SLC29A3: variants seen among roughly 807,000 people sequenced by gnomAD.
SLC29A3 encodes solute carrier family 29 member 3, also known as equilibrative nucleoside transporter 3.
Under a neutral mutation model 25.4 loss-of-function variants are expected in SLC29A3, and 18 were observed. That is an observed-to-expected ratio of 0.71 (90% CI 0.49 to 1.05). SLC29A3 has a LOEUF of 1.05. SLC29A3 is among the 50% of genes least tolerant of loss of function. SLC29A3 has a pLI of 0.00. For missense variants in SLC29A3, 586 were observed against 609.0 expected (o/e 0.96, Z 0.40); for synonymous variants, 258 against 267.1 (o/e 0.97, Z 0.33).
downstream of SLC29A3, among the ~76,000 whole-genome samples, chr10:71,363,808 C>CTTTTTTTTTTTTTTTTTTTTTT (rs71012277): frequency 9.6e-6 from 1 of 103,720 alleles, no homozygotes; most frequent in Non-Finnish European, 2.0e-5. Context: ...TTTCCTTTTT[C>CTTTTTTTTTTTTTTTTTTTTTT]TTTTCTTTTT....
intron 3 of SLC29A3, among the ~76,000 whole-genome samples, chr10:71,347,014 C>T (rs1006075940): frequency 6.6e-6 from 1 of 152,166 alleles, no homozygotes; most frequent in African/African-American, 2.4e-5. Context: ...CTGGCCTGCC[C>T]CTGCTCCTCC....
intron 4 of SLC29A3, among the ~76,000 whole-genome samples, chr10:71,353,410 CTTAG>C (rs772795851): frequency 5.9e-5 from 9 of 152,326 alleles, no homozygotes; most frequent in Non-Finnish European, 1.2e-4. Context: ...CTCTTATCCC[CTTAG>C]TTCCTTCCAT....
At chr10:71,370,454 C>T (rs894538018) in intron 3 of SLC29A3, among the ~76,000 whole-genome samples, 4 of 152,220 alleles carry the variant, frequency 2.6e-5, no homozygotes, top group African/African-American at 9.6e-5. Flanking sequence ...CAGTTTCTAA[C>T]AGATTTAAGT....
rs1847119815 is a variant in SLC29A3 at position 71,363,329 on chromosome 10, G to C, written c.*721G>C. The C allele has an allele frequency of 2.2e-6, 1 of 453,970 alleles. No homozygotes were observed. Among genetic ancestry groups the C allele is most frequent in the Non-Finnish European group, 4.4e-6 (1 of 226,810 alleles). 28.1% of individuals were successfully genotyped at this position (453,970 alleles called of 1,614,324 possible). ...AAGATGAGGGTCTTTCAGTGTTCCT[G>C]TTTACAACATGTCAAAGCCATTGGT... On this transcript the variant is annotated 3_prime_UTR_variant, in exon 6 of 6. Transcript: ENST00000373189.
downstream of SLC29A3, chr10:71,363,422 A>G (rs1847122442): frequency 2.3e-6 from 1 of 435,352 alleles, no homozygotes; most frequent in South Asian, 1.6e-5. Flanking sequence ...GAGTCTTAAC[A>G]AGCAATGGCA....
At chr10:71,352,184 A>G (rs1053611474) in intron 4 of SLC29A3, among the ~76,000 whole-genome samples, 9 of 152,052 alleles carry the variant, frequency 5.9e-5, no homozygotes, top group African/African-American at 1.7e-4. Flanking sequence ...TGACTTCCTC[A>G]TGGCATGGTG....
chr10:71,336,420 C>T (rs181863440), intron 2 of SLC29A3, among the ~76,000 whole-genome samples: 3 of 152,030 alleles, frequency 2.0e-5, no homozygotes, highest in South Asian at 2.1e-4. Context: ...AGGTGGGCTG[C>T]GAGGAGGACG....
intron 2 of SLC29A3, among the ~76,000 whole-genome samples, chr10:71,337,431 A>G (rs1299323410): frequency 6.6e-6 from 1 of 152,218 alleles, no homozygotes; most frequent in East Asian, 1.9e-4. Flanking sequence ...CTTGGCTCCA[A>G]CCTGCTCGCT....
At chr10:71,336,494 C>G (rs1846257084) in intron 2 of SLC29A3, among the ~76,000 whole-genome samples, 1 of 151,708 alleles carries the variant, frequency 6.6e-6, no homozygotes, top group Non-Finnish European at 1.5e-5. Context: ...TTGGCAGTGG[C>G]AACATGGACT....
intron 3 of SLC29A3, among the ~76,000 whole-genome samples, chr10:71,372,435 C>T (rs1847218528): frequency 6.6e-6 from 1 of 152,200 alleles, no homozygotes; most frequent in African/African-American, 2.4e-5. Flanking sequence ...TTAGAATCAC[C>T]TGGAGCACTT....
At chr10:71,367,149 A>G (rs1042465543), downstream of SLC29A3, among the ~76,000 whole-genome samples, 6 of 151,070 alleles carry the variant, frequency 4.0e-5, no homozygotes, top group African/African-American at 1.5e-4. Context: ...TCTGTTAGAG[A>G]GATGATTTGC....
intron 3 of SLC29A3, among the ~76,000 whole-genome samples, chr10:71,370,595 T>C (rs1287535235): frequency 6.6e-6 from 1 of 152,140 alleles, no homozygotes; most frequent in African/African-American, 2.4e-5. Flanking sequence ...TGTTCGGAAG[T>C]GCAATCATAG....
intron 3 of SLC29A3, among the ~76,000 whole-genome samples, chr10:71,349,346 C>T (rs1846683629): frequency 6.6e-6 from 1 of 152,170 alleles, no homozygotes; most frequent in African/African-American, 2.4e-5. Context: ...ATGGCTTTTC[C>T]TCCATGTCTA....
chr10:71,321,121 G>T (rs1845837484), intron 1 of SLC29A3, among the ~76,000 whole-genome samples: 1 of 152,204 alleles, frequency 6.6e-6, no homozygotes, highest in Admixed American at 6.5e-5. Flanking sequence ...CTTGGCATTT[G>T]TGATCACTGG....
intron 1 of SLC29A3, chr10:71,319,517 T>G: frequency 7.1e-6 from 3 of 420,560 alleles, no homozygotes; most frequent in Admixed American, 4.5e-5. Flanking sequence ...CTATCTTCTC[T>G]TCCCCAAATC....
chr10:71,365,553 T>C (rs919062567), downstream of SLC29A3: 4 of 152,314 alleles, frequency 2.6e-5, no homozygotes, highest in African/African-American at 4.8e-5. Context: ...GAGGCCGCTC[T>C]GTTGGGAGGG....
At chr10:71,335,508 A>G (rs2066211) in intron 2 of SLC29A3, among the ~76,000 whole-genome samples, 18,217 of 152,178 alleles carry the variant, frequency 0.12, 1,151 homozygotes, top group Non-Finnish European at 0.14. Flanking sequence ...CCAGGGAGGA[A>G]CTTGAGCAAA....
chr10:71,362,861 T>G lies in SLC29A3; in HGVS notation c.*253T>G, dbSNP rs541938187. On this transcript the variant is annotated 3_prime_UTR_variant, in exon 6 of 6. Transcript: ENST00000373189. Reference sequence around the variant, plus strand: ...AAGAAATAGCACAAATCAGGGGTACTCCCTTCACAGCTGATGGTTAACATT... The same window carrying G: ...AAGAAATAGCACAAATCAGGGGTACGCCCTTCACAGCTGATGGTTAACATT... 9.0e-6 allele frequency: 6 copies of G among 665,518 alleles called. No homozygotes were observed. In the East Asian group the frequency reaches 1.8e-4, roughly 20 times the overall value. 41.2% of individuals were successfully genotyped at this position (665,518 alleles called of 1,614,324 possible). A position where few individuals can be genotyped will look rare whatever the true frequency, so the allele number is the denominator to read the frequency against.
At chr10:71,369,295 G>A (rs1847193537) in intron 3 of SLC29A3, among the ~76,000 whole-genome samples, 1 of 152,234 alleles carries the variant, frequency 6.6e-6, no homozygotes, top group South Asian at 2.1e-4. Flanking sequence ...AACAGACTAA[G>A]ACAAATGTCA....
Sources: allele counts gnomAD v4.1 joint callset (sites outside exome capture counted in the v4.1 genomes callset), GRCh38; gene constraint gnomAD v4.1.1; transcripts MANE v1.5; gene names NCBI Gene and HGNC (gene_info 2026-07-23, HGNC 2026-07-21).